The following LARGE1 variants were observed in gnomAD, a reference collection of about 807,000 sequenced individuals.
LARGE1 encodes xylosyl- and glucuronyltransferase LARGE1.
LARGE1 carries 43 observed loss-of-function variants against 87.6 expected under a neutral mutation model. The ratio of observed to expected loss-of-function variants is 0.49; its 90% CI spans 0.38 to 0.63. The LOEUF is 0.63. LARGE1 is among the 30% of genes least tolerant of loss of function. LARGE1 has a pLI of 0.00. For synonymous variants in LARGE1, 434 were observed against 394.6 expected, an observed-to-expected ratio of 1.10 and a Z score of -1.18; for missense variants, 802 against 1,000.2, an observed-to-expected ratio of 0.80 and a Z score of 2.67.
intron 6 of LARGE1, among the ~76,000 whole-genome samples, chr22:33,485,961 A>C (rs1160490009): frequency 2.0e-5 from 3 of 152,226 alleles, no homozygotes; most frequent in Non-Finnish European, 4.4e-5. Context: ...CCAGGGATAC[A>C]TACGCCCTGA....
chr22:33,172,497 G>T (rs1050988139), intron 11 of LARGE1, among the ~76,000 whole-genome samples: 2 of 151,960 alleles, frequency 1.3e-5, no homozygotes, highest in African/African-American at 4.8e-5. Context: ...GAAGGTACTT[G>T]CTTCCCCTTC....
chr22:33,346,231 T>TTC (rs1939727336), intron 9 of LARGE1, among the ~76,000 whole-genome samples: 1 of 151,214 alleles, frequency 6.6e-6, no homozygotes, highest in South Asian at 2.1e-4. Flanking sequence ...TCTCTTCCTT[T>TTC]CTTCCTTCCT....
intron 6 of LARGE1, among the ~76,000 whole-genome samples, chr22:33,523,062 T>C (rs1286165636): frequency 6.6e-6 from 1 of 151,508 alleles, no homozygotes; most frequent in African/African-American, 2.4e-5. Context: ...TGGAGTTCAA[T>C]GGCGCGATCT....
intron 6 of LARGE1, among the ~76,000 whole-genome samples, chr22:33,457,353 T>G (rs571987410): frequency 2.8e-4 from 39 of 139,296 alleles, no homozygotes; most frequent in East Asian, 2.7e-3. Flanking sequence ...GGTTACACCA[T>G]GTTGGCCAGG....
exon 12 of LARGE1, chr22:33,165,365 G>A (rs192102209): frequency 2.0e-5 from 3 of 152,170 alleles, no homozygotes; most frequent in African/African-American, 7.2e-5. Context: ...TTTGCTGCAA[G>A]TCCAGGGATT....
At chr22:33,629,952 C>T (rs1375749939) in intron 3 of LARGE1, among the ~76,000 whole-genome samples, 1 of 152,102 alleles carries the variant, frequency 6.6e-6, no homozygotes, top group Non-Finnish European at 1.5e-5. Context: ...CAATCCCAGC[C>T]CTTTGGGAGG....
chr22:33,406,357 T>C (rs2066099991), intron 7 of LARGE1, among the ~76,000 whole-genome samples: 1 of 152,178 alleles, frequency 6.6e-6, no homozygotes. Flanking sequence ...CCCACAAAGC[T>C]GCTCCTTAAA....
chr22:33,097,472 T>C, the LARGE1 span, among the ~76,000 whole-genome samples: 1 of 152,198 alleles, frequency 6.6e-6, no homozygotes, highest in African/African-American at 2.4e-5. Flanking sequence ...ACACCCACCA[T>C]GCAGATTAAA....
intron 1 of LARGE1, 49 bp downstream of exon 1, chr22:33,919,946 T>A (rs756836498): frequency 2.6e-5 from 4 of 152,288 alleles, no homozygotes; most frequent in Non-Finnish European, 5.9e-5. Flanking sequence ...TGTCCGGCGC[T>A]ACACACCACG....
At chr22:33,164,344 G>A (rs1221351155) in exon 12 of LARGE1, 2 of 152,098 alleles carry the variant, frequency 1.3e-5, no homozygotes, top group African/African-American at 4.8e-5. Flanking sequence ...TCCCAAGTAC[G>A]TCTTCCAGGG....
Position 33,432,115 on chromosome 22 carries a change from T to C in LARGE1, c.892+46A>G, listed in dbSNP as rs748834624. ...CTCCTGCGGAAGGAGCACTGGGTCC[T>C]CATATCACCTTCTGCAACTCTTCCC... On this transcript the variant is annotated intron_variant, in intron 7 of 14. Transcript: ENST00000397394. 10 of 1,468,826 alleles carry C rather than the reference T, an allele frequency of 6.8e-6. No homozygotes were observed. The Admixed American group carries it at 1.3e-4, about 20-fold the overall frequency. 91.0% of individuals were successfully genotyped at this position (1,468,826 alleles called of 1,614,324 possible).
At chr22:33,866,657 T>G (rs1293575399) in intron 1 of LARGE1, among the ~76,000 whole-genome samples, 1 of 152,176 alleles carries the variant, frequency 6.6e-6, no homozygotes. Flanking sequence ...GCACTCACAA[T>G]AATGCTTATG....
chr22:33,884,994 A>G (rs374700226), intron 1 of LARGE1, among the ~76,000 whole-genome samples: 42 of 152,352 alleles, frequency 2.8e-4, no homozygotes, highest in African/African-American at 9.9e-4. Flanking sequence ...GAAGAATACG[A>G]ATAATTACTG....
At chr22:33,640,973 G>C (rs890623476) in intron 3 of LARGE1, among the ~76,000 whole-genome samples, 1 of 152,140 alleles carries the variant, frequency 6.6e-6, no homozygotes, top group Non-Finnish European at 1.5e-5. Flanking sequence ...GGGGCAAAAG[G>C]TGGCTGTGGG....
chr22:33,693,922 C>T (rs527852179), intron 2 of LARGE1, among the ~76,000 whole-genome samples: 49 of 152,300 alleles, frequency 3.2e-4, no homozygotes, highest in African/African-American at 1.1e-3. Flanking sequence ...GTAGACTTTA[C>T]ATAAGTCTTA....
intron 1 of LARGE1, among the ~76,000 whole-genome samples, chr22:33,829,681 C>G (rs1009443462): frequency 6.6e-6 from 1 of 152,214 alleles, no homozygotes. Context: ...CCTCCTCCTC[C>G]CTGCACCTGC....
intron 12 of LARGE1, among the ~76,000 whole-genome samples, chr22:33,289,495 CCTGA>C (rs1490703665): frequency 6.6e-6 from 1 of 152,190 alleles, no homozygotes; most frequent in Non-Finnish European, 1.5e-5. Context: ...CAAAGCAGTG[CCTGA>C]CTTAGAATTA....
intron 8 of LARGE1, among the ~76,000 whole-genome samples, chr22:33,383,363 C>T (rs2147125780): frequency 6.6e-6 from 1 of 152,108 alleles, no homozygotes; most frequent in Middle Eastern, 3.4e-3. Context: ...AGTTCAAAAC[C>T]AGCCTGGCCA....
chr22:33,207,830 A>G (rs1294347077), intron 11 of LARGE1, among the ~76,000 whole-genome samples: 1 of 151,942 alleles, frequency 6.6e-6, no homozygotes, highest in East Asian at 1.9e-4. Context: ...CTTGCAGAAT[A>G]CTCCCTAGTT....
Sources: gnomAD v4.1 joint callset for allele counts (sites outside exome capture counted in the v4.1 genomes callset) on GRCh38, gnomAD v4.1.1 for gene constraint, MANE v1.5 for transcripts, NCBI Gene and HGNC (gene_info 2026-07-23, HGNC 2026-07-21) for gene names.